ELOVL7: variants seen among roughly 807,000 people sequenced by gnomAD.
The protein encoded by ELOVL7 is very long chain fatty acid elongase 7.
In ELOVL7, 27 loss-of-function variants were observed where a neutral mutation model predicts 35.7. That is an observed-to-expected ratio of 0.76 (90% CI 0.56 to 1.04). ELOVL7 has a LOEUF of 1.04. Among genes scored for constraint, ELOVL7 ranks in the 50% least tolerant of loss-of-function variants. ELOVL7 has a pLI of 0.00. For missense variants in ELOVL7, 327 were observed against 340.8 expected (o/e 0.96, Z 0.32); for synonymous variants, 113 against 114.6 (o/e 0.99, Z 0.09).
chr5:60,766,492 A>G, intron 6 of ELOVL7, 82 bp downstream of exon 6: 1 of 1,217,676 alleles, frequency 8.2e-7, no homozygotes, highest in Non-Finnish European at 1.2e-6. Context: ...ACAGCAGTTT[A>G]TTGGTTTCAC....
intron 1 of ELOVL7, among the ~76,000 whole-genome samples, chr5:60,825,684 C>T (rs1746129497): frequency 6.6e-6 from 1 of 152,004 alleles, no homozygotes; most frequent in Admixed American, 6.5e-5. Flanking sequence ...AGCTGTGATT[C>T]AGTTATATTT....
In ELOVL7 at chr5:60,757,539, C is replaced by T; in HGVS notation, c.606G>A (p.Trp202Ter). The change falls in exon 8 of 9, where the codon TGG becomes TGA. Residue 202 changes from tryptophan (W) to a stop codon, truncating the protein, a stop_gained. Coordinates refer to ENST00000508821, the MANE Select transcript of ELOVL7 (RefSeq NM_024930.3). LOFTEE classifies it high-confidence loss of function. ...ALGPAYQKYL[W>*]WKKYLTSLQL... is the part of the protein sequence containing the mutation. ...GTAATGATGTCAAATATTTTTTCCACCACAAATACTTCTGGTAGGCTGGCC... is the reference window on the plus strand; with the variant it reads ...GTAATGATGTCAAATATTTTTTCCATCACAAATACTTCTGGTAGGCTGGCC... 6.2e-7 allele frequency: 1 copy of T among 1,613,280 alleles called. No homozygotes were observed. The highest frequency in any genetic ancestry group is 8.5e-7 in the Non-Finnish European group (1 of 1,179,486).
chr5:60,766,899 G>A (rs1454342729), intron 5 of ELOVL7, among the ~76,000 whole-genome samples: 1 of 152,118 alleles, frequency 6.6e-6, no homozygotes, highest in East Asian at 1.9e-4. Flanking sequence ...TCTGCTTTCT[G>A]TGTCTATGAA....
At chr5:60,786,942 G>A (rs963464006) in intron 3 of ELOVL7, among the ~76,000 whole-genome samples, 5 of 150,784 alleles carry the variant, frequency 3.3e-5, no homozygotes, top group South Asian at 2.1e-4. Context: ...TTGGGCGACA[G>A]AGTGAGACTC....
chr5:60,832,425 G>T (rs1579939159), intron 1 of ELOVL7, among the ~76,000 whole-genome samples: 1 of 152,024 alleles, frequency 6.6e-6, no homozygotes, highest in East Asian at 1.9e-4. Context: ...GAGTGCAGTG[G>T]CACCATCTTG....
intron 3 of ELOVL7, among the ~76,000 whole-genome samples, chr5:60,781,745 A>T (rs1388033473): frequency 6.6e-6 from 1 of 152,212 alleles, no homozygotes; most frequent in Non-Finnish European, 1.5e-5. Context: ...ATTCTATTTC[A>T]GCAAAACTCT....
intron 1 of ELOVL7, among the ~76,000 whole-genome samples, chr5:60,825,669 GA>G (rs1746128582): frequency 6.6e-6 from 1 of 152,198 alleles, no homozygotes; most frequent in Non-Finnish European, 1.5e-5. Flanking sequence ...GAGGTTGAGG[GA>G]AAGAGCTGTG....
chr5:60,780,369 C>T (rs907886075), intron 3 of ELOVL7, among the ~76,000 whole-genome samples: 4 of 152,140 alleles, frequency 2.6e-5, no homozygotes, highest in Non-Finnish European at 5.9e-5. Flanking sequence ...ACTCACCCGC[C>T]TCGGCCTCCC....
chr5:60,767,516 T>C (rs1365266365), intron 5 of ELOVL7, among the ~76,000 whole-genome samples: 7 of 152,238 alleles, frequency 4.6e-5, no homozygotes, highest in Non-Finnish European at 1.0e-4. Flanking sequence ...TCAATTCTTT[T>C]AGGTATATAC....
intron 7 of ELOVL7, among the ~76,000 whole-genome samples, chr5:60,760,676 G>T (rs1360226091): frequency 1.3e-5 from 2 of 152,112 alleles, no homozygotes; most frequent in Admixed American, 6.5e-5. Context: ...GGCTTTTGTT[G>T]CCATTGCTTT....
chr5:60,760,154 A>G (rs1444932867), intron 7 of ELOVL7, among the ~76,000 whole-genome samples: 3 of 152,202 alleles, frequency 2.0e-5, no homozygotes, highest in Non-Finnish European at 4.4e-5. Context: ...GTACATACCC[A>G]GTAATGGGAT....
intron 1 of ELOVL7, among the ~76,000 whole-genome samples, chr5:60,820,826 C>T (rs573117150): frequency 6.6e-6 from 1 of 152,248 alleles, no homozygotes; most frequent in East Asian, 1.9e-4. Context: ...TTTCCTTCAA[C>T]TCCACTTCCT....
At chr5:60,818,886 T>C (rs1006631561) in intron 1 of ELOVL7, among the ~76,000 whole-genome samples, 10 of 151,358 alleles carry the variant, frequency 6.6e-5, no homozygotes, top group African/African-American at 2.4e-4. Flanking sequence ...TGGGCACCTG[T>C]AATCCCAGCT....
At chr5:60,781,386 A>G (rs1743245186) in intron 3 of ELOVL7, among the ~76,000 whole-genome samples, 2 of 152,164 alleles carry the variant, frequency 1.3e-5, no homozygotes, top group Non-Finnish European at 2.9e-5. Flanking sequence ...GTTAGAAACG[A>G]GCTTAAATGT....
At chr5:60,804,288 T>C (rs904957747) in intron 1 of ELOVL7, among the ~76,000 whole-genome samples, 2 of 152,230 alleles carry the variant, frequency 1.3e-5, no homozygotes, top group Non-Finnish European at 2.9e-5. Flanking sequence ...GAGCAATCAG[T>C]ATCCTTCTGG....
chr5:60,824,342 G>A (rs1321787342), intron 1 of ELOVL7, among the ~76,000 whole-genome samples: 1 of 152,168 alleles, frequency 6.6e-6, no homozygotes, highest in African/African-American at 2.4e-5. Context: ...GAAGGGACGT[G>A]GAAGTCTCCC....
intron 5 of ELOVL7, among the ~76,000 whole-genome samples, chr5:60,767,297 T>C (rs1373515478): frequency 6.6e-6 from 1 of 152,116 alleles, no homozygotes; most frequent in African/African-American, 2.4e-5. Context: ...TTTCACCGTG[T>C]TGCCCGGGCT....
Position 60,762,255 on chromosome 5 carries a change from C to T in ELOVL7, c.499+1972G>A, listed in dbSNP as rs147198849. Among the ~76,000 whole-genome samples the T allele has an allele frequency of 7.9e-3, 1,135 of 144,116 alleles. 13 individuals carry two copies. The highest frequency in any genetic ancestry group is 0.027 in the African/African-American group (1,053 of 38,966). The allele number at this position is 144,116 out of a possible 152,430, so 94.5% of individuals were successfully genotyped here. ...CGGAGGTTGCAGTGAGCCGAGATCA[C>T]ACCACTGCACTCCACCCTGGACAAC... is the stretch of plus-strand genomic sequence containing the variant. On this transcript the variant is annotated intron_variant, in intron 7 of 8. Transcript: ENST00000508821.
At chr5:60,814,855 A>G (rs1039111844) in intron 1 of ELOVL7, among the ~76,000 whole-genome samples, 4 of 152,222 alleles carry the variant, frequency 2.6e-5, no homozygotes, top group Admixed American at 6.5e-5. Flanking sequence ...ACTAAGCCCT[A>G]TGCTGGGCTT....
Sources: gnomAD v4.1 joint callset for allele counts (sites outside exome capture counted in the v4.1 genomes callset) on GRCh38, gnomAD v4.1.1 for gene constraint, MANE v1.5 for transcripts, NCBI Gene and HGNC (gene_info 2026-07-23, HGNC 2026-07-21) for gene names.